The following DAXX variants were observed in gnomAD, a reference collection of about 807,000 sequenced individuals.
The protein encoded by DAXX is death domain associated protein.
A neutral mutation model predicts 61.9 loss-of-function variants in DAXX; 24 were observed. The ratio of observed to expected loss-of-function variants is 0.39; its 90% confidence interval spans 0.28 to 0.55. DAXX has a LOEUF of 0.55. Among genes scored for constraint, DAXX ranks in the 20% least tolerant of loss-of-function variants. The probability of loss-of-function intolerance (pLI) is 0.69; values close to 1 mark genes in which losing one functional copy is unlikely to be tolerated. For missense variants in DAXX, 819 were observed against 935.3 expected, an observed-to-expected ratio of 0.88 and a Z score of 1.62; for synonymous variants, 357 against 369.5, an observed-to-expected ratio of 0.97 and a Z score of 0.39.
Position 33,321,999 on chromosome 6 carries a change from G to C in DAXX, c.-52-22C>G. The C allele has an allele frequency of 6.6e-7, 1 of 1,518,998 alleles. No individual in the cohort carries two copies. The highest frequency in any genetic ancestry group is 8.8e-7 in the Non-Finnish European group (1 of 1,131,460). The allele number at this position is 1,518,998 out of a possible 1,614,324, so 94.1% of individuals were successfully genotyped here. A position where few individuals can be genotyped will look rare whatever the true frequency, so the allele number is the denominator to read the frequency against. ...CCTGCTGGAAGGGGATGGGGCCTCA[G>C]AATGAGCCCCTCCAGCATAGCCCCA... On this transcript the variant is annotated intron_variant, in intron 1 of 7. Transcript: ENST00000374542. This position sits in a 1 kb window ranked among gnomAD's most constrained non-coding sequence, Gnocchi z 7.2.
rs1770119156 is a variant in DAXX, at chr6:33,318,576, T to G, written c.*167A>C. 2 of 439,574 alleles carry G rather than the reference T, an allele frequency of 4.5e-6. No homozygotes were observed. The highest frequency in any genetic ancestry group is 8.1e-6 in the Non-Finnish European group (2 of 248,006). 27.2% of individuals were successfully genotyped at this position (439,574 alleles called of 1,614,324 possible). ...ACAGTGATACAGTAAGAAAAGAACT[T>G]TATTGTTTATTAATGTTTCTGTGTA... On this transcript the variant is annotated 3_prime_UTR_variant, in exon 8 of 8. Coordinates refer to ENST00000374542, the MANE Select transcript of DAXX (RefSeq NM_001141969.2).
intron 1 of DAXX, 146 bp downstream of exon 1, chr6:33,322,716 C>A (rs746363451): frequency 8.3e-6 from 3 of 363,148 alleles, no homozygotes; most frequent in South Asian, 7.1e-5. Flanking sequence ...CCCCCTCCCC[C>A]AGTTCAGCCC....
rs778569156 is a variant in DAXX, at chr6:33,319,367, C to T, written c.1940+13G>A. The T allele has an allele frequency of 6.2e-6, 10 of 1,605,540 alleles. No homozygotes were observed. The highest frequency in any genetic ancestry group is 8.5e-6 in the Non-Finnish European group (10 of 1,176,306). ...CTCCTTGGCTTCCCTCTTCCTCCTC[C>T]TCTTGTTATTACCTGTTTCCTAATG... On this transcript the variant is annotated intron_variant, in intron 6 of 7. Coordinates refer to ENST00000374542, the MANE Select transcript of DAXX (RefSeq NM_001141969.2).
At position 33,319,234 on chromosome 6, in the gene DAXX, A is replaced by G. The variant is rs762148281; in HGVS notation, c.1941-15T>C. 4.4e-6 allele frequency: 7 copies of G among 1,585,424 alleles called. No individual in the cohort carries two copies. Among genetic ancestry groups the G allele is most frequent in the Non-Finnish European group, 6.0e-6 (7 of 1,162,580 alleles). ...TTTCCACATAGCTAGAAACAGAAAC[A>G]TAAATATGTGGAGGGGTACGGGAAG... On this transcript the variant is annotated splice_polypyrimidine_tract_variant and intron_variant, in intron 6 of 7. Transcript: ENST00000374542.
In DAXX at chr6:33,322,844, G is replaced by A. The variant is rs779213727; in HGVS notation, c.-53+18C>T. The stretch of plus-strand genomic sequence containing the variant: ...ATCCCCGCCCCCGCCTCTGATCCCC[G>A]CACCGTCCGGCCCCCACCTCAGAAA... On this transcript the variant is annotated intron_variant, in intron 1 of 7. Transcript: ENST00000374542. 2.1e-5 allele frequency: 11 copies of A among 530,784 alleles called. No individual in the cohort carries two copies. The highest frequency in any genetic ancestry group is 5.9e-5 in the East Asian group (1 of 16,918). The allele number at this position is 530,784 out of a possible 1,614,324, so 32.9% of individuals were successfully genotyped here.
At chr6:33,319,912 T>C in intron 5 of DAXX, 58 bp from the exon 6 acceptor site, 2 of 1,598,856 alleles carry the variant, frequency 1.3e-6, no homozygotes, top group East Asian at 2.2e-5. Context: ...AAAATACTGC[T>C]GAGAGGACAC....
chr6:33,320,300 C>G lies in DAXX; in HGVS notation c.1252-76G>C. The G allele has an allele frequency of 7.0e-7, 1 of 1,429,402 alleles. No individual in the cohort carries two copies. The highest frequency in any genetic ancestry group is 9.9e-7 in the Non-Finnish European group (1 of 1,011,560). 88.5% of individuals were successfully genotyped at this position (1,429,402 alleles called of 1,614,324 possible). A position where few individuals can be genotyped will look rare whatever the true frequency, so the allele number is the denominator to read the frequency against. Reference sequence around the variant, plus strand: ...GTTCTTGCTTTCCTTCTCATGCTCCCCCATCAGTCAACCTGGACTCCCTGG... The same window carrying G: ...GTTCTTGCTTTCCTTCTCATGCTCCGCCATCAGTCAACCTGGACTCCCTGG... On this transcript the variant is annotated intron_variant, in intron 4 of 7. Coordinates refer to ENST00000374542, the MANE Select transcript of DAXX (RefSeq NM_001141969.2). The surrounding 1 kb of genome is among the most constrained non-coding windows in gnomAD (Gnocchi z 7.1).
Position 33,320,763 on chromosome 6 carries a change from A to C in DAXX, c.1012T>G (p.Cys338Gly), listed in dbSNP as rs1039173352. Residue 338 changes from cysteine to glycine, a missense_variant, in exon 3 of 8, where the codon TGC becomes GGC. Physicochemically the swap from Cys to Gly is radical, Grantham distance 159. Coordinates refer to ENST00000374542, the MANE Select transcript of DAXX (RefSeq NM_001141969.2). This position sits in a 1 kb window ranked among gnomAD's most constrained non-coding sequence, Gnocchi z 7.1. Reference sequence around the variant, plus strand: ...GGCCTATAGTCATCTGTGAGGTGGCAGCCAAAGTTGTAGATGAGATCGAGG... The same window carrying C: ...GGCCTATAGTCATCTGTGAGGTGGCCGCCAAAGTTGTAGATGAGATCGAGG... ...RHLDLIYNFGCHLTDDYRPGV... is the reference protein window; with the variant it reads ...RHLDLIYNFGGHLTDDYRPGV... 6.2e-7 allele frequency: 1 copy of C among 1,614,044 alleles called. No individual in the cohort carries two copies. The highest frequency in any genetic ancestry group is 1.3e-5 in the African/African-American group (1 of 74,952).
At chr6:33,319,892 T>G in intron 5 of DAXX, 38 bp from the exon 6 acceptor site, 1 of 1,594,636 alleles carries the variant, frequency 6.3e-7, no homozygotes, top group Non-Finnish European at 8.5e-7. Context: ...AGCCTGAGAA[T>G]GAGGGGGAAA....
Position 33,321,009 on chromosome 6 carries a change from G to A in DAXX, c.766C>T (p.Arg256Cys), listed in dbSNP as rs752819224. 10 of 1,613,702 alleles carry A rather than the reference G, an allele frequency of 6.2e-6. No individual in the cohort carries two copies. In the East Asian group the frequency reaches 8.9e-5, roughly 14 times the overall value. ...TAGCGGGTGCCACGGTAGGGGATGC[G>A]CTGCTCTATGACACGGCCGGTCAGT... is the stretch of plus-strand genomic sequence containing the variant. ...SSLTGRVIEQ[R>C]IPYRGTRYPE... The change falls in exon 3 of 8, where the codon CGC (arginine) becomes TGC (cysteine). Residue 256 changes from arginine to cysteine, a missense_variant. Physicochemically the swap from Arg to Cys is radical, Grantham distance 180. Transcript: ENST00000374542. The surrounding 1 kb of genome is among the most constrained non-coding windows in gnomAD (Gnocchi z 7.2).
Position 33,320,988 on chromosome 6 carries a change from G to C in DAXX, c.787C>G (p.Arg263Gly), listed in dbSNP as rs761608312. The C allele has an allele frequency of 6.2e-7, 1 of 1,613,606 alleles. No homozygotes were observed. Among genetic ancestry groups the C allele is most frequent in the Non-Finnish European group, 8.5e-7 (1 of 1,179,624 alleles). Residue 263 changes from arginine (R) to glycine (G), a missense_variant, in exon 3 of 8, where the codon CGC becomes GGC. Physicochemically the swap from Arg to Gly is moderately radical, Grantham distance 125 (BLOSUM62 -2). Coordinates refer to ENST00000374542, the MANE Select transcript of DAXX (RefSeq NM_001141969.2). This position sits in a 1 kb window ranked among gnomAD's most constrained non-coding sequence, Gnocchi z 7.1. ...ATGCGCCTGTTAACCTCTGGGTAGC[G>C]GGTGCCACGGTAGGGGATGCGCTGC... is the stretch of plus-strand genomic sequence containing the variant. ...IEQRIPYRGT[R>G]YPEVNRRIER...
At position 33,319,422 on chromosome 6, in the gene DAXX, C is replaced by G. The variant is rs981409816; in HGVS notation, c.1898G>C (p.Arg633Pro). The part of the protein sequence containing the change: ...GDSGPPCKKS[R>P]KEKKQTGSGP... Reference sequence around the variant, plus strand: ...TGATCCTGTTTGCTTCTTCTCCTTCCGAGATTTTTTGCAGGGGGGACCAGA... The same window carrying G: ...TGATCCTGTTTGCTTCTTCTCCTTCGGAGATTTTTTGCAGGGGGGACCAGA... The change falls in exon 6 of 8, where the codon CGG becomes CCG. Residue 633 changes from arginine (R) to proline (P), a missense_variant. By Grantham distance (103) the Arg-to-Pro change is moderately radical. Coordinates refer to ENST00000374542, the MANE Select transcript of DAXX (RefSeq NM_001141969.2). 5 of 1,613,194 alleles carry G rather than the reference C, an allele frequency of 3.1e-6. No homozygotes were observed. The highest frequency in any genetic ancestry group is 4.2e-6 in the Non-Finnish European group (5 of 1,179,976).
rs1324375328 is a variant in DAXX, at chr6:33,321,829, A to G, written c.97T>C (p.Ser33Pro). The G allele has an allele frequency of 6.2e-7, 1 of 1,610,094 alleles. No individual in the cohort carries two copies. The highest frequency in any genetic ancestry group is 1.7e-5 in the Admixed American group (1 of 60,010). ...GPSHPLPNAA[S>P]PGAEAPSSSE... ...GAGCTAGGGGCTTCTGCCCCAGGTG[A>G]GGCCGCATTGGGGAGTGGGTGGGAG... The change falls in exon 2 of 8, where the codon TCA becomes CCA. Residue 33 changes from serine to proline, a missense_variant. Ser to Pro is a moderately conservative substitution (Grantham distance 74). Coordinates refer to ENST00000374542, the MANE Select transcript of DAXX (RefSeq NM_001141969.2). The surrounding 1 kb of genome is among the most constrained non-coding windows in gnomAD (Gnocchi z 7.2).
Position 33,319,766 on chromosome 6 carries a change from T to C in DAXX, c.1554A>G (p.Ser518=), listed in dbSNP as rs2150989784. 1 of 1,614,232 alleles carries C rather than the reference T, an allele frequency of 6.2e-7. No individual in the cohort carries two copies. The highest frequency in any genetic ancestry group is 8.5e-7 in the Non-Finnish European group (1 of 1,180,038). The change falls in exon 6 of 8, where the codon TCA becomes TCG. Residue 518 remains serine, a synonymous_variant. Coordinates refer to ENST00000374542, the MANE Select transcript of DAXX (RefSeq NM_001141969.2). The part of the protein sequence containing the change: ...LEPGKQISRS[S]GEQQNKGRIV... ...TGCGTCCTTTGTTTTGCTGCTCCCC[T>C]GAAGATCTGCTGATCTGTTTGCCAG...
chr6:33,321,057 A>G lies in DAXX; in HGVS notation c.718T>C (p.Cys240Arg). 1 of 1,613,996 alleles carries G rather than the reference A, an allele frequency of 6.2e-7. No homozygotes were observed. Among genetic ancestry groups the G allele is most frequent in the Non-Finnish European group, 8.5e-7 (1 of 1,179,862 alleles). The part of the protein sequence containing the change: ...RKLIRLFGRL[C>R]ELKDCSSLTG... ...AGTGAAGAGCAGTCTTTCAGCTCAC[A>G]TAGTCGCCCAAAGAGGCGGATCAGC... The change falls in exon 3 of 8, where the codon TGT (cysteine) becomes CGT (arginine). Residue 240 changes from cysteine to arginine, a missense_variant. Physicochemically the swap from Cys to Arg is radical, Grantham distance 180. Coordinates refer to ENST00000374542, the MANE Select transcript of DAXX (RefSeq NM_001141969.2). The surrounding 1 kb of genome is among the most constrained non-coding windows in gnomAD (Gnocchi z 7.2).
In DAXX at chr6:33,320,596, G is replaced by A. The variant is rs756175862; in HGVS notation, c.1040-5C>T. On this transcript the variant is annotated splice_polypyrimidine_tract_variant and splice_region_variant and intron_variant, in intron 3 of 7. Coordinates refer to ENST00000374542, the MANE Select transcript of DAXX (RefSeq NM_001141969.2). This position sits in a 1 kb window ranked among gnomAD's most constrained non-coding sequence, Gnocchi z 7.1. ...CTGATAGTGCAGGGTCAACGCCTAC[G>A]TGGGAAGACATAAAGTCAGAGCACT... is the stretch of plus-strand genomic sequence containing the variant. 4.7e-5 allele frequency: 76 copies of A among 1,612,538 alleles called. 3 individuals carry two copies. The South Asian group carries it at 5.8e-4, about 12-fold the overall frequency.
At position 33,319,182 on chromosome 6, in the gene DAXX, C is replaced by T. The variant is rs967799519; in HGVS notation, c.1978G>A (p.Gly660Arg). ...CTGGGCAGGGTACATATCTTTTTCC[C>T]ATTCTTCTCATGCACTGACCTTTGC... ...ERQRSVHEKN[G>R]KKICTLPSPP... Residue 660 changes from glycine to arginine, a missense_variant, in exon 7 of 8, where the codon GGG becomes AGG. Coordinates refer to ENST00000374542, the MANE Select transcript of DAXX (RefSeq NM_001141969.2). 6.2e-7 allele frequency: 1 copy of T among 1,610,938 alleles called. No homozygotes were observed. The highest frequency in any genetic ancestry group is 1.3e-5 in the African/African-American group (1 of 74,986).
chr6:33,322,932 T>C lies in DAXX; in HGVS notation c.-123A>G, dbSNP rs779790856. On this transcript the variant is annotated 5_prime_UTR_variant, in exon 1 of 8. Coordinates refer to ENST00000374542, the MANE Select transcript of DAXX (RefSeq NM_001141969.2). ...CCTCGCATGGTTCCCTCCGCCTTCC[T>C]TCCCACTCCCACCGCAGGCCCCACT... The C allele has an allele frequency of 2.2e-6, 3 of 1,392,778 alleles. No homozygotes were observed. The highest frequency in any genetic ancestry group is 1.1e-5 in the South Asian group (1 of 87,610). 86.3% of individuals were successfully genotyped at this position (1,392,778 alleles called of 1,614,324 possible).
chr6:33,321,810 G>A lies in DAXX; in HGVS notation c.116C>T (p.Pro39Leu). Residue 39 changes from proline to leucine, a missense_variant, in exon 2 of 8, where the codon CCT (proline) becomes CTT (leucine). Physicochemically the swap from Pro to Leu is moderately conservative, Grantham distance 98. Transcript: ENST00000374542. The surrounding 1 kb of genome is among the most constrained non-coding windows in gnomAD (Gnocchi z 7.2). ...PNAASPGAEA[P>L]SSSEPHGARG... ...GGCCCCATGAGGCTCAGAGGAGCTAGGGGCTTCTGCCCCAGGTGAGGCCGC... is the reference window on the plus strand; with the variant it reads ...GGCCCCATGAGGCTCAGAGGAGCTAAGGGCTTCTGCCCCAGGTGAGGCCGC... 6.2e-7 allele frequency: 1 copy of A among 1,612,796 alleles called. No individual in the cohort carries two copies. The highest frequency in any genetic ancestry group is 1.1e-5 in the South Asian group (1 of 91,062).
Sources: gnomAD v4.1 joint callset for allele counts on GRCh38, gnomAD v4.1.1 for gene constraint, Gnocchi (gnomAD v3.1) non-coding constraint, MANE v1.5 for transcripts, NCBI Gene and HGNC (gene_info 2026-07-23, HGNC 2026-07-21) for gene names.